Variants in ARHGEF28 observed in about 807,000 individuals in gnomAD.
ARHGEF28 encodes 190 kDa guanine nucleotide exchange factor.
In ARHGEF28, 152 loss-of-function variants were observed where a neutral mutation model predicts 206.6. That is an observed-to-expected ratio of 0.74 (90% CI 0.64 to 0.84). The LOEUF (loss-of-function observed/expected upper bound fraction) is 0.84. ARHGEF28 is among the 40% of genes least tolerant of loss of function. ARHGEF28 has a pLI of 0.00. For missense variants in ARHGEF28, 2,028 were observed against 2,073.2 expected, an observed-to-expected ratio of 0.98 and a Z score of 0.42; for synonymous variants, 763 against 776.4, an observed-to-expected ratio of 0.98 and a Z score of 0.29.
chr5:73,813,897 G>A (rs552836767), intron 9 of ARHGEF28, among the ~76,000 whole-genome samples: 53 of 145,308 alleles, frequency 3.6e-4, no homozygotes, highest in African/African-American at 1.3e-3. Context: ...TATTATGTAT[G>A]TGCAATTCTC....
intron 2 of ARHGEF28, among the ~76,000 whole-genome samples, chr5:73,738,524 T>C (rs1751165843): frequency 6.6e-6 from 1 of 151,648 alleles, no homozygotes; most frequent in Non-Finnish European, 1.5e-5. Flanking sequence ...TGTGTATGTA[T>C]GTGCATGTGT....
intron 2 of ARHGEF28, among the ~76,000 whole-genome samples, chr5:73,699,004 A>G (rs1369650547): frequency 6.6e-6 from 1 of 152,062 alleles, no homozygotes; most frequent in Non-Finnish European, 1.5e-5. Context: ...GCATCACCAC[A>G]TTATATGATG....
chr5:73,916,367 T>C (rs991771867), intron 35 of ARHGEF28, among the ~76,000 whole-genome samples: 3 of 152,190 alleles, frequency 2.0e-5, no homozygotes, highest in Non-Finnish European at 2.9e-5. Context: ...AGGGGGAATG[T>C]ATTTGTTGAC....
chr5:73,738,482 CGTGTGTGTGTGT>C (rs59149035), intron 2 of ARHGEF28, among the ~76,000 whole-genome samples: 33,330 of 145,580 alleles, frequency 0.23, 4,249 homozygotes, highest in Non-Finnish European at 0.3. Flanking sequence ...AGAGTGGCCT[CGTGTGTGTGTGT>C]GTGTGTGTGT....
chr5:73,849,004 G>A lies in ARHGEF28; in HGVS notation c.1664G>A (p.Arg555His), dbSNP rs200028795. Residue 555 changes from arginine (R) to histidine (H), a missense_variant, in exon 13 of 36, where the codon CGT (arginine) becomes CAT (histidine). Arg to His is a conservative substitution (Grantham distance 29). This residue lies in a region of ARHGEF28 where 1,002 missense variants were observed against 1,015.3 expected (regional missense o/e 0.99). Transcript: ENST00000513042. ...KESLLSGVRS[R>H]SYSCSSPKIS... The stretch of plus-strand genomic sequence containing the variant: ...TCACTGCTTTCTGGAGTTCGCTCAC[G>A]TTCTTATTCTTGCTCATCACCCAAA... The A allele has an allele frequency of 5.0e-5, 78 of 1,575,164 alleles. No individual in the cohort carries two copies. The highest frequency in any genetic ancestry group is 3.6e-4 in the African/African-American group (27 of 74,056).
At chr5:73,905,265 T>G (rs866950601) in intron 33 of ARHGEF28, 3 of 151,182 alleles carry the variant, frequency 2.0e-5, no homozygotes, top group African/African-American at 7.3e-5. Context: ...GGTGGTACGC[T>G]TTCATCCTGA....
intron 18 of ARHGEF28, among the ~76,000 whole-genome samples, chr5:73,866,942 G>A (rs1194642989): frequency 6.6e-6 from 1 of 152,092 alleles, no homozygotes; most frequent in Non-Finnish European, 1.5e-5. Flanking sequence ...GCAAATTTGT[G>A]GCAACATGCT....
At chr5:73,713,054 C>T (rs2112312438) in intron 2 of ARHGEF28, among the ~76,000 whole-genome samples, 1 of 152,160 alleles carries the variant, frequency 6.6e-6, no homozygotes, top group Non-Finnish European at 1.5e-5. Flanking sequence ...AATTCACCCA[C>T]CCTAAGGAAA....
chr5:73,776,589 T>G lies in ARHGEF28; in HGVS notation c.733T>G (p.Ser245Ala). The change falls in exon 6 of 36, where the codon TCA (serine) becomes GCA (alanine). Residue 245 changes from serine to alanine, a missense_variant. Transcript: ENST00000513042. ...SEEASLHYIHSSETLTLTLNH... is the reference protein window; with the variant it reads ...SEEASLHYIHASETLTLTLNH... ...AGAAGCCTCCTTGCATTACATTCACTCATCGGAAACGCTGACCCTGACCCT... is the reference window on the plus strand; with the variant it reads ...AGAAGCCTCCTTGCATTACATTCACGCATCGGAAACGCTGACCCTGACCCT... The G allele has an allele frequency of 6.2e-7, 1 of 1,614,000 alleles. No homozygotes were observed. The highest frequency in any genetic ancestry group is 8.5e-7 in the Non-Finnish European group (1 of 1,179,872).
intron 9 of ARHGEF28, among the ~76,000 whole-genome samples, chr5:73,829,037 T>C (rs923351845): frequency 1.3e-5 from 2 of 152,190 alleles, no homozygotes; most frequent in African/African-American, 4.8e-5. Flanking sequence ...CCCAGGCTGG[T>C]CTTGAACTCC....
rs1008761641 is a variant in ARHGEF28 at position 73,641,000 on chromosome 5, A to T, written c.-12+14678A>T. Among the ~76,000 whole-genome samples the T allele has an allele frequency of 2.0e-5, 3 of 152,196 alleles. No homozygotes were observed. In the South Asian group the frequency reaches 6.2e-4, roughly 32 times the overall value. ...GTAAGAAAAATGTGGAGCCAATTCA[A>T]ATTAGGGGAAGAAAGCCTCAAAGAG... is the stretch of plus-strand genomic sequence containing the variant. On this transcript the variant is annotated intron_variant, in intron 1 of 35. Coordinates refer to ENST00000513042, the MANE Select transcript of ARHGEF28 (RefSeq NM_001177693.2).
chr5:73,791,667 G>A (rs566652402), intron 7 of ARHGEF28, among the ~76,000 whole-genome samples: 7 of 152,234 alleles, frequency 4.6e-5, no homozygotes, highest in Middle Eastern at 6.8e-3. Flanking sequence ...AGGCGAATCT[G>A]TTTCTTAATG....
At chr5:73,844,100 C>T (rs1028765103) in intron 11 of ARHGEF28, among the ~76,000 whole-genome samples, 6 of 152,090 alleles carry the variant, frequency 3.9e-5, no homozygotes, top group African/African-American at 1.4e-4. Context: ...AAGAATATTG[C>T]CTGTGCCACC....
chr5:73,672,497 A>G (rs1285182394), intron 1 of ARHGEF28, among the ~76,000 whole-genome samples: 1 of 152,234 alleles, frequency 6.6e-6, no homozygotes, highest in African/African-American at 2.4e-5. Flanking sequence ...GAGCTCATCA[A>G]TGATACAGTC....
At chr5:73,655,023 T>G (rs1481505022) in intron 1 of ARHGEF28, among the ~76,000 whole-genome samples, 2 of 152,258 alleles carry the variant, frequency 1.3e-5, no homozygotes, top group Non-Finnish European at 2.9e-5. Flanking sequence ...CAAGGAAAAC[T>G]GTCTATTTGG....
chr5:73,684,977 T>C, intron 2 of ARHGEF28, 93 bp downstream of exon 2: 1 of 1,368,626 alleles, frequency 7.3e-7, no homozygotes, highest in Non-Finnish European at 1.0e-6. Context: ...TTTCTTGCTA[T>C]TGAGTTAAGG....
chr5:73,711,999 T>A (rs531812425), intron 2 of ARHGEF28, among the ~76,000 whole-genome samples: 1 of 152,258 alleles, frequency 6.6e-6, no homozygotes, highest in Admixed American at 6.5e-5. Context: ...ACTTTTAAAT[T>A]ATGAACAAAT....
intron 35 of ARHGEF28, among the ~76,000 whole-genome samples, chr5:73,912,476 G>T (rs1208105758): frequency 1.3e-5 from 2 of 152,124 alleles, no homozygotes; most frequent in East Asian, 1.9e-4. Context: ...GCAACAAAAA[G>T]GTTTGAAGGT....
intron 14 of ARHGEF28, among the ~76,000 whole-genome samples, chr5:73,855,796 A>G (rs1041648885): frequency 6.6e-6 from 1 of 152,044 alleles, no homozygotes; most frequent in East Asian, 1.9e-4. Context: ...TAAATTGTGC[A>G]TTTGTAAGTT....
Sources: allele counts gnomAD v4.1 joint callset (sites outside exome capture counted in the v4.1 genomes callset), GRCh38; gene constraint gnomAD v4.1.1; regional missense constraint gnomAD v4.1.1; transcripts MANE v1.5; gene names NCBI Gene and HGNC (gene_info 2026-07-23, HGNC 2026-07-21).